Variants in DCAF1 observed in about 807,000 individuals in gnomAD.
DCAF1 encodes the protein DDB1 and CUL4 associated factor 1, also known as DDB1- and CUL4-associated factor 1.
In DCAF1, 15 loss-of-function variants were observed where a neutral mutation model predicts 128.0. That is an observed-to-expected ratio of 0.12 (90% CI 0.08 to 0.18). The LOEUF (loss-of-function observed/expected upper bound fraction) is 0.18. Ranked by LOEUF, DCAF1 falls within the 10% of genes least tolerant of loss-of-function variation. The pLI is 1.00. For missense variants in DCAF1, 988 were observed against 1,649.5 expected (o/e 0.60, Z 6.95); for synonymous variants, 610 against 603.0 (o/e 1.01, Z -0.17).
upstream of DCAF1, among the ~76,000 whole-genome samples, chr3:51,504,314 G>A (rs541968326): frequency 2.8e-4 from 42 of 151,920 alleles, no homozygotes; most frequent in African/African-American, 1.0e-3. Context: ...GGGATTACAG[G>A]CGTGAGCCAC....
chr3:51,431,969 C>A (rs550242918), intron 10 of DCAF1, among the ~76,000 whole-genome samples: 1 of 150,962 alleles, frequency 6.6e-6, no homozygotes, highest in East Asian at 2.0e-4. Flanking sequence ...CAGAGCGAGA[C>A]CCTGTCATTA....
intron 3 of DCAF1, among the ~76,000 whole-genome samples, chr3:51,479,547 G>A (rs1381154817): frequency 1.3e-5 from 2 of 152,046 alleles, no homozygotes; most frequent in East Asian, 3.9e-4. Flanking sequence ...TCAGCACTTT[G>A]GGAGGCCGAG....
intron 6 of DCAF1, among the ~76,000 whole-genome samples, chr3:51,462,400 C>A (rs1196207047): frequency 6.6e-6 from 1 of 151,764 alleles, no homozygotes; most frequent in Non-Finnish European, 1.5e-5. Context: ...GCCTGGGCGA[C>A]AGAGCAAGAC....
At chr3:51,478,495 A>G (rs185366206) in intron 3 of DCAF1, among the ~76,000 whole-genome samples, 1 of 152,320 alleles carries the variant, frequency 6.6e-6, no homozygotes, top group East Asian at 1.9e-4. Context: ...TTCTTGAACA[A>G]GTGAATGAAT....
chr3:51,440,677 G>A (rs1033400435), intron 9 of DCAF1, among the ~76,000 whole-genome samples: 2 of 151,986 alleles, frequency 1.3e-5, no homozygotes, highest in African/African-American at 2.4e-5. Context: ...AGGCCAAGGC[G>A]GGCAGATCAC....
chr3:51,440,977 G>C lies in DCAF1; in HGVS notation c.1121C>G (p.Ala374Gly). Residue 374 changes from alanine (A) to glycine (G), a missense_variant, in exon 9 of 25, where the codon GCA (alanine) becomes GGA (glycine). Coordinates refer to ENST00000684031, the MANE Select transcript of DCAF1 (RefSeq NM_001387579.1). Reference protein sequence around the residue: ...QTNDVLLTFEALKHLASLLLH... With the variant: ...QTNDVLLTFEGLKHLASLLLH... ...TATTTTTAAGAACTTTACCTTTAGT[G>C]CCTCAAATGTAAGCAGGACATCATT... 6.2e-7 allele frequency: 1 copy of C among 1,610,730 alleles called. No homozygotes were observed. The highest frequency in any genetic ancestry group is 8.5e-7 in the Non-Finnish European group (1 of 1,178,662).
At chr3:51,469,866 C>CA (rs1553647873) in intron 4 of DCAF1, among the ~76,000 whole-genome samples, 1 of 151,896 alleles carries the variant, frequency 6.6e-6, no homozygotes, top group African/African-American at 2.4e-5. Context: ...ATTAAAAGTG[C>CA]AAAACTTAGC....
chr3:51,466,673 G>GA, intron 5 of DCAF1, 130 bp downstream of exon 5: 1 of 782,370 alleles, frequency 1.3e-6, no homozygotes, highest in Non-Finnish European at 2.1e-6. Flanking sequence ...CCACAACCAG[G>GA]ACTTTGGCAA....
intron 3 of DCAF1, among the ~76,000 whole-genome samples, chr3:51,471,405 G>C (rs1024654068): frequency 6.6e-6 from 1 of 151,454 alleles, no homozygotes; most frequent in Non-Finnish European, 1.5e-5. Flanking sequence ...GGATGGTCTC[G>C]ATCTCCTGAC....
chr3:51,488,162 GC>G (rs1255387561), intron 2 of DCAF1, among the ~76,000 whole-genome samples: 1 of 151,998 alleles, frequency 6.6e-6, no homozygotes, highest in African/African-American at 2.4e-5. Flanking sequence ...ACTGCACCAG[GC>G]CTACCAAACA....
Position 51,420,864 on chromosome 3 carries a change from A to C in DCAF1, c.2106T>G (p.Phe702Leu), listed in dbSNP as rs1553632312. 1 of 1,614,026 alleles carries C rather than the reference A, an allele frequency of 6.2e-7. No individual in the cohort carries two copies. The highest frequency in any genetic ancestry group is 8.5e-7 in the Non-Finnish European group (1 of 1,179,902). The change falls in exon 15 of 25, where the codon TTT becomes TTG. Residue 702 changes from phenylalanine to leucine, a missense_variant. By Grantham distance (22) the Phe-to-Leu change is conservative. Transcript: ENST00000684031. The surrounding 1 kb of genome is among the most constrained non-coding windows in gnomAD (Gnocchi z 6.5). ...GCTTTCTCCGAGGAGTACCAGAGATAAATTTACCAATACTGGATATTCGGT... is the reference window on the plus strand; with the variant it reads ...GCTTTCTCCGAGGAGTACCAGAGATCAATTTACCAATACTGGATATTCGGT... ...PDNRISSIGK[F>L]ISGTPRRKLP...
At chr3:51,407,882 G>A (rs1392175798) in intron 23 of DCAF1, among the ~76,000 whole-genome samples, 1 of 151,246 alleles carries the variant, frequency 6.6e-6, no homozygotes, top group African/African-American at 2.4e-5. Flanking sequence ...AGCTACTCAG[G>A]GAGGCTGAGG....
chr3:51,474,148 G>C (rs770918428), intron 3 of DCAF1, among the ~76,000 whole-genome samples: 17 of 152,054 alleles, frequency 1.1e-4, no homozygotes, highest in Non-Finnish European at 2.4e-4. Context: ...GGCCGGCGCC[G>C]TGGCTCATGC....
intron 20 of DCAF1, 134 bp from the exon 21 acceptor site, chr3:51,413,520 A>T: frequency 7.2e-7 from 1 of 1,387,958 alleles, no homozygotes; most frequent in South Asian, 1.5e-5. Context: ...CTTGTACAGA[A>T]ATCTACTCTG....
intron 3 of DCAF1, among the ~76,000 whole-genome samples, chr3:51,479,276 T>C (rs943311497): frequency 5.4e-5 from 8 of 148,414 alleles, no homozygotes; most frequent in Non-Finnish European, 7.4e-5. Context: ...CCGAGGCAGG[T>C]GGATTGCCTG....
chr3:51,456,264 G>A (rs1463940894), intron 6 of DCAF1, among the ~76,000 whole-genome samples: 11 of 152,326 alleles, frequency 7.2e-5, no homozygotes, highest in South Asian at 2.1e-4. Context: ...ATTACATCCC[G>A]CACCTGGCTC....
At chr3:51,505,504 G>A in the DCAF1 span, among the ~76,000 whole-genome samples, 1 of 152,212 alleles carries the variant, frequency 6.6e-6, no homozygotes, top group Non-Finnish European at 1.5e-5. Context: ...TCTAGGTGTA[G>A]AGGGTGTCAT....
intron 23 of DCAF1, among the ~76,000 whole-genome samples, chr3:51,407,408 A>G (rs1553627026): frequency 6.6e-6 from 1 of 152,218 alleles, no homozygotes; most frequent in African/African-American, 2.4e-5. Context: ...CAACACATTC[A>G]GCTCTGACCA....
chr3:51,447,895 C>T (rs991182768), intron 6 of DCAF1, among the ~76,000 whole-genome samples: 18 of 152,038 alleles, frequency 1.2e-4, no homozygotes, highest in Middle Eastern at 3.4e-3. Flanking sequence ...TGCAGTGAAC[C>T]GACATCATAC....
Sources: allele counts gnomAD v4.1 joint callset (sites outside exome capture counted in the v4.1 genomes callset), GRCh38; gene constraint gnomAD v4.1.1; non-coding constraint Gnocchi (gnomAD v3.1); transcripts MANE v1.5; gene names NCBI Gene and HGNC (gene_info 2026-07-23, HGNC 2026-07-21).